NCLN: variants seen among roughly 807,000 people sequenced by gnomAD.
NCLN encodes BOS complex subunit NCLN.
In NCLN, 34 loss-of-function variants were observed where a neutral mutation model predicts 69.5. The ratio of observed to expected loss-of-function variants is 0.49; its 90% CI spans 0.37 to 0.65. The LOEUF (loss-of-function observed/expected upper bound fraction) is 0.65, where lower values mean the gene tolerates loss of function less well. NCLN is among the 30% of genes least tolerant of loss of function. The pLI is 0.00. For missense variants in NCLN, 710 were observed against 804.8 expected (o/e 0.88, Z 1.42); for synonymous variants, 393 against 358.3 (o/e 1.10, Z -1.09).
intron 6 of NCLN, among the ~76,000 whole-genome samples, chr19:3,203,367 C>T (rs1197272864): frequency 6.6e-6 from 1 of 151,794 alleles, no homozygotes; most frequent in Non-Finnish European, 1.5e-5. Context: ...TTTTTTTGAT[C>T]TCCTCGTGTC....
intron 5 of NCLN, among the ~76,000 whole-genome samples, chr19:3,200,513 T>C (rs1916098734): frequency 6.6e-6 from 1 of 151,634 alleles, no homozygotes; most frequent in African/African-American, 2.4e-5. Flanking sequence ...GGTTTCACCA[T>C]GTTGGCCAGG....
At chr19:3,200,396 C>T (rs1916095625) in intron 5 of NCLN, among the ~76,000 whole-genome samples, 2 of 147,598 alleles carry the variant, frequency 1.4e-5, no homozygotes, top group African/African-American at 5.0e-5. Context: ...CTGCAACCTT[C>T]GCCTCCCGGG....
chr19:3,187,318 C>A (rs1404155105), intron 1 of NCLN, among the ~76,000 whole-genome samples: 1 of 152,156 alleles, frequency 6.6e-6, no homozygotes, highest in Non-Finnish European at 1.5e-5. Flanking sequence ...GGTTTTTCTT[C>A]TTTTCAGCCT....
chr19:3,201,746 GC>G, intron 6 of NCLN, 120 bp downstream of exon 6: 2 of 834,740 alleles, frequency 2.4e-6, no homozygotes, highest in African/African-American at 1.7e-5. Flanking sequence ...GTGGGCCTGA[GC>G]CCAGGAATTG....
At chr19:3,199,924 TCTCCTGAC>T (rs1916082079) in intron 5 of NCLN, among the ~76,000 whole-genome samples, 1 of 151,656 alleles carries the variant, frequency 6.6e-6, no homozygotes, top group Non-Finnish European at 1.5e-5. Flanking sequence ...ATGGTCTCGA[TCTCCTGAC>T]CTCATGATTT....
chr19:3,200,647 C>A (rs1391780102), intron 5 of NCLN, among the ~76,000 whole-genome samples: 1 of 152,028 alleles, frequency 6.6e-6, no homozygotes, highest in Non-Finnish European at 1.5e-5. Context: ...ACATAAAGTT[C>A]ACCATTTTAG....
At chr19:3,198,405 G>C (rs1213830555) in intron 4 of NCLN, among the ~76,000 whole-genome samples, 3 of 151,672 alleles carry the variant, frequency 2.0e-5, no homozygotes, top group African/African-American at 7.3e-5. Context: ...TACTCTGGAG[G>C]CCGAGGCAGG....
At chr19:3,192,200 A>G (rs190596761) in intron 1 of NCLN, among the ~76,000 whole-genome samples, 4 of 152,272 alleles carry the variant, frequency 2.6e-5, no homozygotes, top group Admixed American at 6.5e-5. Context: ...AAACAAAACC[A>G]AAAAACAAAG....
intron 1 of NCLN, among the ~76,000 whole-genome samples, chr19:3,188,418 C>G (rs1298971319): frequency 6.6e-6 from 1 of 152,212 alleles, no homozygotes; most frequent in African/African-American, 2.4e-5. Context: ...GACGGACGCC[C>G]TCTCCAGCCT....
chr19:3,198,700 A>C, intron 4 of NCLN, 117 bp from the exon 5 acceptor site: 2 of 741,470 alleles, frequency 2.7e-6, no homozygotes, highest in Non-Finnish European at 4.3e-6. Context: ...GCTGAGGCCG[A>C]TGCTGGCACC....
At chr19:3,194,446 A>C (rs1915906845) in intron 3 of NCLN, among the ~76,000 whole-genome samples, 1 of 152,206 alleles carries the variant, frequency 6.6e-6, no homozygotes, top group African/African-American at 2.4e-5. Flanking sequence ...GAGTTGGCTA[A>C]CACTGGCCAG....
chr19:3,193,480 G>A (rs528812577), intron 3 of NCLN, 52 bp downstream of exon 3: 94 of 1,527,294 alleles, frequency 6.2e-5, no homozygotes, highest in Non-Finnish European at 7.3e-5. Context: ...GTGGGGAGGC[G>A]TCCCCATCCC....
chr19:3,192,737 C>T (rs531271057), intron 2 of NCLN, 77 bp downstream of exon 2: 473 of 1,314,904 alleles, frequency 3.6e-4, no homozygotes, highest in Middle Eastern at 8.2e-4. Context: ...TGACCCTAGG[C>T]GGGTCACTTC....
chr19:3,206,287 C>T lies in NCLN; in HGVS notation c.1361C>T (p.Ser454Leu), dbSNP rs759323368. ...CAGATCCAGCAGGAGCAGCTGGACT[C>T]GGTGATGGACTGGCTCACCAACCAG... ...QMQIQQEQLDSVMDWLTNQPR... is the reference protein window; with the variant it reads ...QMQIQQEQLDLVMDWLTNQPR... The change falls in exon 12 of 15, where the codon TCG (serine) becomes TTG (leucine). Residue 454 changes from serine to leucine, a missense_variant. By Grantham distance (145) the Ser-to-Leu change is moderately radical (BLOSUM62 -2). Coordinates refer to ENST00000246117, the MANE Select transcript of NCLN (RefSeq NM_020170.4). The T allele has an allele frequency of 3.3e-5, 51 of 1,547,718 alleles. No individual in the cohort carries two copies. Among genetic ancestry groups the T allele is most frequent in the Non-Finnish European group, 4.0e-5 (46 of 1,146,762 alleles).
intron 1 of NCLN, among the ~76,000 whole-genome samples, chr19:3,187,013 A>G (rs999183553): frequency 5.3e-5 from 8 of 152,200 alleles, no homozygotes; most frequent in African/African-American, 1.7e-4. Context: ...TCCCCAGTTC[A>G]GTCCACTCGC....
chr19:3,196,814 G>A (rs1164048381), intron 4 of NCLN, among the ~76,000 whole-genome samples: 7 of 152,252 alleles, frequency 4.6e-5, no homozygotes, highest in Non-Finnish European at 2.9e-5. Context: ...GCACTGGCAG[G>A]GGCCTTAAAA....
chr19:3,204,905 G>A (rs370174525), intron 9 of NCLN, among the ~76,000 whole-genome samples, 154 bp downstream of exon 9: 58 of 152,328 alleles, frequency 3.8e-4, no homozygotes, highest in African/African-American at 1.4e-3. Flanking sequence ...CCGGCTGCAC[G>A]GTCAGGCCGT....
At chr19:3,195,403 C>T (rs920559201) in intron 3 of NCLN, among the ~76,000 whole-genome samples, 1 of 151,930 alleles carries the variant, frequency 6.6e-6, no homozygotes, top group Non-Finnish European at 1.5e-5. Context: ...GTGCCCACCA[C>T]CACGCCCAGC....
chr19:3,191,777 A>G (rs1257118590), intron 1 of NCLN, among the ~76,000 whole-genome samples: 1 of 152,184 alleles, frequency 6.6e-6, no homozygotes, highest in Non-Finnish European at 1.5e-5. Flanking sequence ...ACAGACCGGA[A>G]ATACTCACTC....
Sources: gnomAD v4.1 joint callset for allele counts (sites outside exome capture counted in the v4.1 genomes callset) on GRCh38, gnomAD v4.1.1 for gene constraint, MANE v1.5 for transcripts, NCBI Gene and HGNC (gene_info 2026-07-23, HGNC 2026-07-21) for gene names.